Variants in PCDHA4 observed in about 807,000 individuals in gnomAD.
The protein encoded by PCDHA4 is protocadherin alpha 4.
Under a neutral mutation model 61.4 loss-of-function variants are expected in PCDHA4, and 49 were observed. That is an observed-to-expected ratio of 0.80 (90% CI 0.63 to 1.01). PCDHA4 has a LOEUF of 1.01. Ranked by LOEUF, PCDHA4 falls within the 50% of genes least tolerant of loss-of-function variation. The pLI, the probability that PCDHA4 is intolerant of heterozygous loss-of-function variation, is 0.00. For synonymous variants in PCDHA4, 590 were observed against 550.3 expected (o/e 1.07, Z -1.01); for missense variants, 1,254 against 1,235.8 (o/e 1.01, Z -0.22).
chr5:140,840,523 A>G (rs1554137815), intron 1 of PCDHA4, among the ~76,000 whole-genome samples: 3 of 152,058 alleles, frequency 2.0e-5, no homozygotes, highest in African/African-American at 7.3e-5. Flanking sequence ...CAGAAGAAAG[A>G]TGAAGAACTA....
chr5:140,854,848 A>C (rs1384152430), intron 1 of PCDHA4, among the ~76,000 whole-genome samples: 2 of 149,876 alleles, frequency 1.3e-5, no homozygotes, highest in African/African-American at 4.9e-5. Flanking sequence ...ACATTGATAA[A>C]ATTACTAGAT....
intron 1 of PCDHA4, chr5:140,842,380 T>A (rs1777905222): frequency 6.2e-7 from 1 of 1,610,180 alleles, no homozygotes; most frequent in Non-Finnish European, 8.5e-7. Context: ...TAGCACTGAC[T>A]TCCTTATCCT....
chr5:141,004,806 T>C (rs1326385428), intron 3 of PCDHA4, among the ~76,000 whole-genome samples: 1 of 152,196 alleles, frequency 6.6e-6, no homozygotes, highest in Non-Finnish European at 1.5e-5. Flanking sequence ...CTGAGCTCAA[T>C]TGCAGATTTG....
intron 1 of PCDHA4, chr5:140,825,852 C>T (rs1378132475): frequency 2.0e-5 from 3 of 152,420 alleles, no homozygotes; most frequent in African/African-American, 7.2e-5. Flanking sequence ...ATGATACAAA[C>T]TCCCCTCTTG....
rs781970935 is a variant in PCDHA4 at position 140,982,505 on chromosome 5, A to G, written c.2475A>G (p.Leu825=). The change falls in exon 3 of 4, where the codon CTA becomes CTG. Residue 825 remains leucine (L), a synonymous_variant. Coordinates refer to ENST00000530339, the MANE Select transcript of PCDHA4 (RefSeq NM_018907.4). ...TGCACCTAGAGGAGGCTGGCATTCT[A>G]CGGGCTGGTCCAGGAGGGCCTGATC... ...SSVHLEEAGI[L]RAGPGGPDQQ... The G allele has an allele frequency of 1.2e-6, 2 of 1,614,220 alleles. No homozygotes were observed. The highest frequency in any genetic ancestry group is 8.5e-7 in the Non-Finnish European group (1 of 1,180,032).
chr5:140,876,791 G>A (rs782617794), intron 1 of PCDHA4: 1 of 1,614,242 alleles, frequency 6.2e-7, no homozygotes, highest in Non-Finnish European at 8.5e-7. Context: ...GCCACGGCTA[G>A]AGTGTCCGTG....
rs185767188 is a variant in PCDHA4 at position 140,858,268 on chromosome 5, T to C, written c.2385+48696T>C. On this transcript the variant is annotated intron_variant, in intron 1 of 3. Transcript: ENST00000530339. ...CGGTGAAGCCCACGCTGGTGTGCTC[T>C]AGCGCGGTGGGGAGCTGGTCTTACT... The C allele has an allele frequency of 2.5e-3, 4,023 of 1,597,108 alleles. 314 individuals carry two copies. Among genetic ancestry groups the C allele is most frequent in the Middle Eastern group, 0.01 (61 of 5,954 alleles).
In PCDHA4 at chr5:140,997,052, G is replaced by A. The variant is rs1410360967; in HGVS notation, c.2534-12575G>A. On this transcript the variant is annotated intron_variant, in intron 3 of 3. Transcript: ENST00000530339. ...AAATTAATGAACTTTACTTTTTAGAGCAGTTTTAGGTTCACAGGAAAGTTG... is the reference window on the plus strand; with the variant it reads ...AAATTAATGAACTTTACTTTTTAGAACAGTTTTAGGTTCACAGGAAAGTTG... Among the ~76,000 whole-genome samples, 5 of 152,148 alleles carry A rather than the reference G, an allele frequency of 3.3e-5. No homozygotes were observed. The East Asian group carries it at 9.6e-4, about 29-fold the overall frequency.
rs782328804 is a variant in PCDHA4, at chr5:140,882,548, G to A, written c.2385+72976G>A. The A allele has an allele frequency of 5.3e-5, 86 of 1,614,126 alleles. No homozygotes were observed. The highest frequency in any genetic ancestry group is 4.9e-4 in the East Asian group (22 of 44,902). ...TGTGAATTCTCGGATCGACCGCGAG[G>A]AGCTGTGTGGGCGGAGCGCGGAGTG... On this transcript the variant is annotated intron_variant, in intron 1 of 3. Transcript: ENST00000530339.
intron 1 of PCDHA4, among the ~76,000 whole-genome samples, chr5:140,844,879 A>T (rs1779591756): frequency 6.7e-6 from 1 of 149,298 alleles, no homozygotes; most frequent in Non-Finnish European, 1.5e-5. Flanking sequence ...TACCCATTAG[A>T]CTTCGTGCAT....
At chr5:140,850,631 T>A (rs2150491599) in intron 1 of PCDHA4, 1 of 1,598,518 alleles carries the variant, frequency 6.3e-7, no homozygotes, top group South Asian at 1.1e-5. Flanking sequence ...GCCTGTTGGT[T>A]CTCACGCTGC....
At chr5:140,967,102 G>A (rs1279026258) in intron 1 of PCDHA4, 1 of 1,612,978 alleles carries the variant, frequency 6.2e-7, no homozygotes, top group African/African-American at 1.3e-5. Context: ...CGCTGTGTGA[G>A]CAGCGGCCTC....
chr5:140,985,389 C>T (rs1376347712), intron 3 of PCDHA4, among the ~76,000 whole-genome samples: 1 of 152,266 alleles, frequency 6.6e-6, no homozygotes, highest in African/African-American at 2.4e-5. Context: ...AATCCAGTCA[C>T]CCCAACTGTT....
chr5:140,896,214 G>C (rs1265727629), intron 1 of PCDHA4, among the ~76,000 whole-genome samples: 4 of 152,208 alleles, frequency 2.6e-5, no homozygotes, highest in Non-Finnish European at 5.9e-5. Context: ...ACACATACAT[G>C]TGTCTTTATA....
At chr5:141,002,733 G>T (rs556024108) in intron 3 of PCDHA4, among the ~76,000 whole-genome samples, 1 of 152,314 alleles carries the variant, frequency 6.6e-6, no homozygotes, top group Admixed American at 6.5e-5. Context: ...CACAGTAAAT[G>T]TTAACTACAT....
chr5:140,860,307 G>A (rs181918299), intron 1 of PCDHA4: 3 of 152,082 alleles, frequency 2.0e-5, no homozygotes, highest in Admixed American at 2.0e-4. Flanking sequence ...CTTGAGCCTG[G>A]GAAGTTGAGG....
chr5:141,009,948 T>C lies in PCDHA4; in HGVS notation c.*11T>C, dbSNP rs201131092. 1 of 1,595,948 alleles carries C rather than the reference T, an allele frequency of 6.3e-7. No individual in the cohort carries two copies. The highest frequency in any genetic ancestry group is 1.4e-5 in the African/African-American group (1 of 73,610). On this transcript the variant is annotated 3_prime_UTR_variant, in exon 4 of 4. Coordinates refer to ENST00000530339, the MANE Select transcript of PCDHA4 (RefSeq NM_018907.4). ...AACAGTGACCAGTGAGGTCCTCAAA[T>C]GGAAACAAGCCACTTAGCCAGTTTT...
chr5:140,983,059 C>G (rs1325414567), intron 3 of PCDHA4, among the ~76,000 whole-genome samples: 1 of 151,980 alleles, frequency 6.6e-6, no homozygotes, highest in African/African-American at 2.4e-5. Flanking sequence ...TTATCGGAAC[C>G]AAGGCATTGT....
intron 1 of PCDHA4, chr5:140,828,554 G>A: frequency 6.2e-7 from 1 of 1,614,212 alleles, no homozygotes; most frequent in South Asian, 1.1e-5. Flanking sequence ...GTTTCCACTG[G>A]AGGGCGCGTC....
Sources: gnomAD v4.1 joint callset for allele counts (sites outside exome capture counted in the v4.1 genomes callset) on GRCh38, gnomAD v4.1.1 for gene constraint, MANE v1.5 for transcripts, NCBI Gene and HGNC (gene_info 2026-07-23, HGNC 2026-07-21) for gene names.